Variants in PYROXD2 observed in about 807,000 individuals in gnomAD.
The protein encoded by PYROXD2 is pyridine nucleotide-disulfide oxidoreductase domain-containing protein 2.
A neutral mutation model predicts 71.1 loss-of-function variants in PYROXD2; 69 were observed. That is an observed-to-expected ratio of 0.97 (90% CI 0.80 to 1.19). PYROXD2 has a LOEUF of 1.19. Among genes scored for constraint, PYROXD2 ranks in the 50% most tolerant of loss-of-function variants. The probability of loss-of-function intolerance (pLI) is 0.00; values close to 1 mark genes in which losing one functional copy is unlikely to be tolerated. For missense variants in PYROXD2, 745 were observed against 748.9 expected (o/e 0.99, Z 0.06); for synonymous variants, 287 against 302.7 (o/e 0.95, Z 0.54).
intron 14 of PYROXD2, among the ~76,000 whole-genome samples, chr10:98,386,515 C>T (rs1300924085): frequency 2.0e-5 from 3 of 151,362 alleles, no homozygotes; most frequent in Admixed American, 2.0e-4. Context: ...ACTTGCAGCA[C>T]ATCTCACTTT....
In PYROXD2 at chr10:98,391,099, C is replaced by A. The variant is rs750507306; in HGVS notation, c.1063-17G>T. 1.3e-6 allele frequency: 2 copies of A among 1,542,322 alleles called. No homozygotes were observed. The highest frequency in any genetic ancestry group is 1.8e-6 in the Non-Finnish European group (2 of 1,114,896). ...AAGCCACTCCTGGAAGGAGAAGGCT[C>A]CATGAAAGGCCTCAGATGTCCAAGG... On this transcript the variant is annotated splice_polypyrimidine_tract_variant and intron_variant, in intron 10 of 15. Coordinates refer to ENST00000370575, the MANE Select transcript of PYROXD2 (RefSeq NM_032709.3).
chr10:98,412,914 G>C (rs1214367125), intron 1 of PYROXD2, among the ~76,000 whole-genome samples: 1 of 152,186 alleles, frequency 6.6e-6, no homozygotes, highest in Non-Finnish European at 1.5e-5. Context: ...TGAGGTGCTG[G>C]AGATGGCTCC....
chr10:98,395,122 A>G, intron 8 of PYROXD2, 74 bp downstream of exon 8: 1 of 1,294,284 alleles, frequency 7.7e-7, no homozygotes, highest in Admixed American at 1.7e-5. Context: ...TGTTGCTGCC[A>G]CTGCCACTGT....
rs145739789 is a variant in PYROXD2 at position 98,392,282 on chromosome 10, C to A, written c.1062+150G>T. On this transcript the variant is annotated intron_variant, in intron 10 of 15. Coordinates refer to ENST00000370575, the MANE Select transcript of PYROXD2 (RefSeq NM_032709.3). ...ACCTGTGAGGCTTCTTCCCCGTTTGCTACCTGCCCTTACCCCCCTGTTTCC... is the reference window on the plus strand; with the variant it reads ...ACCTGTGAGGCTTCTTCCCCGTTTGATACCTGCCCTTACCCCCCTGTTTCC... The A allele has an allele frequency of 1.1e-5, 14 of 1,308,106 alleles. No homozygotes were observed. In the African/African-American group the frequency reaches 1.8e-4, roughly 17 times the overall value. 81.0% of individuals were successfully genotyped at this position (1,308,106 alleles called of 1,614,324 possible).
chr10:98,411,247 G>A (rs1239499183), intron 1 of PYROXD2: 7 of 440,212 alleles, frequency 1.6e-5, no homozygotes, highest in Middle Eastern at 5.9e-4. Context: ...TGAGAGCATC[G>A]CCAGGGCTTC....
At chr10:98,414,849 G>GGCT in intron 1 of PYROXD2, 160 bp downstream of exon 1, 1 of 1,127,946 alleles carries the variant, frequency 8.9e-7, no homozygotes. Flanking sequence ...CAGATGGAAG[G>GGCT]GCTTTCCATT....
chr10:98,406,262 T>C (rs1412638614), intron 4 of PYROXD2, among the ~76,000 whole-genome samples: 2 of 152,230 alleles, frequency 1.3e-5, no homozygotes, highest in East Asian at 3.9e-4. Context: ...AGTAACGTTT[T>C]TTAAAGAAAG....
chr10:98,406,212 T>C (rs1843591867), intron 4 of PYROXD2, among the ~76,000 whole-genome samples: 2 of 152,216 alleles, frequency 1.3e-5, no homozygotes. Context: ...CTTGGGAGCT[T>C]CTAGTTCAAG....
intron 4 of PYROXD2, among the ~76,000 whole-genome samples, chr10:98,400,543 T>C (rs1843360584): frequency 6.6e-6 from 1 of 151,732 alleles, no homozygotes; most frequent in Non-Finnish European, 1.5e-5. Flanking sequence ...TGCCACATCA[T>C]ACCATACCAC....
At chr10:98,408,995 C>T (rs570174034) in intron 2 of PYROXD2, among the ~76,000 whole-genome samples, 11 of 152,274 alleles carry the variant, frequency 7.2e-5, no homozygotes, top group Middle Eastern at 3.4e-3. Context: ...AACCAGACAG[C>T]GTGAAACCAG....
chr10:98,404,371 C>T (rs1038185159), intron 4 of PYROXD2, among the ~76,000 whole-genome samples: 1 of 152,074 alleles, frequency 6.6e-6, no homozygotes, highest in Non-Finnish European at 1.5e-5. Flanking sequence ...TACTCCAGCT[C>T]GGGAGCCTGA....
At chr10:98,403,054 C>T (rs1843471131) in intron 4 of PYROXD2, among the ~76,000 whole-genome samples, 1 of 152,194 alleles carries the variant, frequency 6.6e-6, no homozygotes, top group South Asian at 2.1e-4. Flanking sequence ...GGAGTTGCTC[C>T]ACACTGGAGA....
chr10:98,414,929 C>T lies in PYROXD2; in HGVS notation c.127+80G>A, dbSNP rs1843946474. 5 of 1,533,842 alleles carry T rather than the reference C, an allele frequency of 3.3e-6. No individual in the cohort carries two copies. The South Asian group carries it at 3.7e-5, about 11-fold the overall frequency. On this transcript the variant is annotated intron_variant, in intron 1 of 15. Transcript: ENST00000370575. ...GGAGAGAGCAGTGGGGCTTGGCTCCCCCTCCCCCTCCCCACCAAGCTCTGA... is the reference window on the plus strand; with the variant it reads ...GGAGAGAGCAGTGGGGCTTGGCTCCTCCTCCCCCTCCCCACCAAGCTCTGA...
At chr10:98,413,667 TTGCGCCGC>T (rs1359544928) in intron 1 of PYROXD2, among the ~76,000 whole-genome samples, 1 of 151,994 alleles carries the variant, frequency 6.6e-6, no homozygotes, top group Non-Finnish European at 1.5e-5. Flanking sequence ...TGAGCCGAGA[TTGCGCCGC>T]TGCACTCCAG....
At chr10:98,411,441 C>T (rs10748728) in intron 1 of PYROXD2, 57,941 of 161,494 alleles carry the variant, frequency 0.36, 11,601 homozygotes, top group African/African-American at 0.53. Context: ...GTTTTGTCCA[C>T]GTGTGGTTCA....
intron 3 of PYROXD2, 84 bp downstream of exon 3, chr10:98,407,820 A>G (rs1053531286): frequency 7.3e-7 from 1 of 1,377,602 alleles, no homozygotes; most frequent in Non-Finnish European, 9.9e-7. Flanking sequence ...GCAGGGATGG[A>G]GACCGTCACC....
intron 14 of PYROXD2, 97 bp downstream of exon 14, chr10:98,387,104 G>A: frequency 1.1e-6 from 1 of 893,270 alleles, no homozygotes; most frequent in Admixed American, 2.4e-5. Flanking sequence ...GATGAAAGCT[G>A]AGTATGGAGG....
rs1179647751 is a variant in PYROXD2 at position 98,385,034 on chromosome 10, G to A, written c.1588C>T (p.Leu530Phe). The change falls in exon 15 of 16, where the codon CTC (leucine) becomes TTC (phenylalanine). Residue 530 changes from leucine (L) to phenylalanine (F), a missense_variant. By Grantham distance (22) the Leu-to-Phe change is conservative. Transcript: ENST00000370575. ...IFHCAMSLDQLYFARPVPLHS... is the reference protein window; with the variant it reads ...IFHCAMSLDQFYFARPVPLHS... ...AGGGGCACGGGGCGGGCGAAGTAGA[G>A]CTGGTCCAGGGACATGGCGCAGTGG... The A allele has an allele frequency of 1.2e-6, 2 of 1,613,916 alleles. No individual in the cohort carries two copies. Among genetic ancestry groups the A allele is most frequent in the East Asian group, 4.5e-5 (2 of 44,884 alleles).
rs1317328801 is a variant in PYROXD2 at position 98,407,991 on chromosome 10, A to G, written c.154T>C (p.Tyr52His). The G allele has an allele frequency of 5.6e-6, 9 of 1,603,882 alleles. No individual in the cohort carries two copies. The Admixed American group carries it at 1.5e-4, about 27-fold the overall frequency. The change falls in exon 3 of 16, where the codon TAC becomes CAC. Residue 52 changes from tyrosine to histidine, a missense_variant. Coordinates refer to ENST00000370575, the MANE Select transcript of PYROXD2 (RefSeq NM_032709.3). ...GTGTTCACCCCCAGTCTCTGCAGGT[A>G]CGCTGCCTGGGAAGTGGGGCAGCAC... ...AGHNGLVAAAYLQRLGVNTAV... is the reference protein window; with the variant it reads ...AGHNGLVAAAHLQRLGVNTAV...
Sources: gnomAD v4.1 joint callset for allele counts (sites outside exome capture counted in the v4.1 genomes callset) on GRCh38, gnomAD v4.1.1 for gene constraint, MANE v1.5 for transcripts, NCBI Gene and HGNC (gene_info 2026-07-23, HGNC 2026-07-21) for gene names.